TENM1: variants seen among roughly 807,000 people sequenced by gnomAD.
The protein encoded by TENM1 is teneurin transmembrane protein 1.
Under a neutral mutation model 174.8 loss-of-function variants are expected in TENM1, and 35 were observed. The observed-to-expected ratio is 0.20, with a 90% CI of 0.15 to 0.27. The LOEUF is 0.27. Ranked by LOEUF, TENM1 falls within the 10% of genes least tolerant of loss-of-function variation. TENM1 has a pLI of 1.00. For synonymous variants in TENM1, 781 were observed against 798.7 expected (o/e 0.98, Z 0.37); for missense variants, 1,633 against 2,130.1 (o/e 0.77, Z 4.59).
chrX:125,171,761 A>C, the TENM1 span, among the ~76,000 whole-genome samples: 1 of 111,559 alleles, frequency 9.0e-6, no homozygotes, highest in East Asian at 2.8e-4. Context: ...TATGAGAAAT[A>C]AATTTCTATT....
the TENM1 span, among the ~76,000 whole-genome samples, chrX:125,065,514 C>T: frequency 2.4e-4 from 27 of 111,795 alleles, no homozygotes; most frequent in African/African-American, 8.8e-4. Context: ...TTTTCTTCAG[C>T]TAATAATGTA....
chrX:124,608,712 A>C (rs12832581), intron 11 of TENM1, among the ~76,000 whole-genome samples: 1 of 110,625 alleles, frequency 9.0e-6, no homozygotes, highest in Non-Finnish European at 1.9e-5. Flanking sequence ...AGAAATCTCC[A>C]TTCAGACAGC....
chrX:124,999,646 T>C, the TENM1 span, among the ~76,000 whole-genome samples: 3 of 111,148 alleles, frequency 2.7e-5, no homozygotes, highest in African/African-American at 9.8e-5. Context: ...TGCTAAGTGA[T>C]TACCAGCTGA....
the TENM1 span, among the ~76,000 whole-genome samples, chrX:125,050,808 T>A: frequency 1.8e-5 from 2 of 111,612 alleles, no homozygotes; most frequent in African/African-American, 6.5e-5. Flanking sequence ...TTTCTCCACA[T>A]CCTCTCCAGC....
the TENM1 span, among the ~76,000 whole-genome samples, chrX:125,053,185 A>G: frequency 8.9e-6 from 1 of 112,025 alleles, no homozygotes; most frequent in Non-Finnish European, 1.9e-5. Flanking sequence ...TAGTTAAACA[A>G]AGTTAACAGA....
chrX:124,886,508 A>G (rs2057385714), intron 3 of TENM1, among the ~76,000 whole-genome samples: 1 of 98,275 alleles, frequency 1.0e-5, no homozygotes, highest in Admixed American at 1.1e-4. Flanking sequence ...TAGTACTGCT[A>G]GCAAAAACAT....
In TENM1 at chrX:124,523,426, A is replaced by T. The variant is rs747856878; in HGVS notation, c.2971T>A (p.Ser991Thr). The change falls in exon 17 of 32, where the codon TCA becomes ACA. Residue 991 changes from serine (S) to threonine (T), a missense_variant. Physicochemically the swap from Ser to Thr is moderately conservative, Grantham distance 58 (BLOSUM62 1). Around this residue, in one of 4 missense-constraint regions of TENM1, gnomAD observed 449 missense variants for 636.2 expected, o/e 0.71. Coordinates refer to ENST00000422452, the Ensembl canonical transcript of TENM1. ...GACCCTCCAAATGATGTGAGCGGTG[A>T]AGGAAGCACAATAGGGTTTGGGCTG... 2.5e-6 allele frequency: 3 copies of T among 1,209,984 alleles called. No homozygotes were observed. The African/African-American group carries it at 5.2e-5, about 21-fold the overall frequency.
the TENM1 span, among the ~76,000 whole-genome samples, chrX:125,080,986 T>C: frequency 9.0e-6 from 1 of 111,260 alleles, no homozygotes; most frequent in Non-Finnish European, 1.9e-5. Context: ...CAGGCTTGTT[T>C]TGTTCTTTAC....
At chrX:125,147,232 G>A in the TENM1 span, among the ~76,000 whole-genome samples, 3 of 108,772 alleles carry the variant, frequency 2.8e-5, no homozygotes, top group Non-Finnish European at 5.7e-5. Flanking sequence ...GTATGCATAT[G>A]TGTATACATG....
chrX:124,591,193 C>T (rs1053229428), intron 11 of TENM1, among the ~76,000 whole-genome samples: 6 of 111,491 alleles, frequency 5.4e-5, no homozygotes, highest in Non-Finnish European at 7.5e-5. Flanking sequence ...ACTTGTGACT[C>T]TGTGTCTTTT....
In TENM1 at chrX:124,446,637, G is replaced by A. The variant is rs1245504728; in HGVS notation, c.4104+6700C>T. ...ATAGGTACTATGCTAGTATACATGG[G>A]CCTTTCTTTGTTGGAGATCTTTTGG... On this transcript the variant is annotated intron_variant, in intron 23 of 31. Transcript: ENST00000422452. Among the ~76,000 whole-genome samples, 5 of 112,344 alleles carry A rather than the reference G, an allele frequency of 4.5e-5. No homozygotes were observed. The South Asian group carries it at 1.8e-3, about 41-fold the overall frequency.
chrX:124,986,008 A>T, the TENM1 span, among the ~76,000 whole-genome samples: 1 of 112,049 alleles, frequency 8.9e-6, no homozygotes, highest in African/African-American at 3.2e-5. Context: ...GTTAGAAAGA[A>T]TGGTGTACAA....
the TENM1 span, among the ~76,000 whole-genome samples, chrX:125,149,801 C>T: frequency 9.0e-6 from 1 of 111,382 alleles, no homozygotes; most frequent in Non-Finnish European, 1.9e-5. Context: ...AAATTAAGTA[C>T]CTTCTATATG....
At chrX:124,512,029 T>C (rs1327308505) in intron 18 of TENM1, among the ~76,000 whole-genome samples, 1 of 112,187 alleles carries the variant, frequency 8.9e-6, no homozygotes, top group Non-Finnish European at 1.9e-5. Context: ...ATAGCAGAGC[T>C]ACTAACAGCG....
intron 25 of TENM1, among the ~76,000 whole-genome samples, chrX:124,414,743 G>A (rs2060575760): frequency 9.0e-6 from 1 of 111,551 alleles, no homozygotes; most frequent in African/African-American, 3.3e-5. Flanking sequence ...AATCCCATTT[G>A]GATTATCCAC....
At chrX:124,644,760 CAT>C (rs1263129225) in intron 10 of TENM1, among the ~76,000 whole-genome samples, 2 of 111,003 alleles carry the variant, frequency 1.8e-5, no homozygotes, top group African/African-American at 6.6e-5. Flanking sequence ...TGCAAACGTG[CAT>C]ATATTATTAT....
intron 3 of TENM1, among the ~76,000 whole-genome samples, chrX:124,843,445 A>G (rs2056543907): frequency 9.0e-6 from 1 of 110,514 alleles, no homozygotes. Flanking sequence ...CAGAGCCTAG[A>G]AGTATATTAA....
chrX:124,887,598 T>C (rs1370067258), intron 3 of TENM1, among the ~76,000 whole-genome samples: 1 of 111,866 alleles, frequency 8.9e-6, no homozygotes, highest in African/African-American at 3.2e-5. Flanking sequence ...GCTTGTTATA[T>C]CTACCTTGAT....
chrX:124,716,919 T>G (rs1293703290), intron 4 of TENM1, among the ~76,000 whole-genome samples: 2 of 111,023 alleles, frequency 1.8e-5, no homozygotes, highest in Non-Finnish European at 3.8e-5. Flanking sequence ...AGCCCTAGGA[T>G]CAAAGTTAAA....
Sources: allele counts gnomAD v4.1 joint callset (sites outside exome capture counted in the v4.1 genomes callset), GRCh38; gene constraint gnomAD v4.1.1; regional missense constraint gnomAD v4.1.1; transcripts MANE v1.5; gene names NCBI Gene and HGNC (gene_info 2026-07-23, HGNC 2026-07-21).